BTG4: variants seen among roughly 807,000 people sequenced by gnomAD.
BTG4 encodes the protein protein BTG4.
Under a neutral mutation model 19.3 loss-of-function variants are expected in BTG4, and 10 were observed. The observed-to-expected ratio is 0.52, with a 90% CI of 0.32 to 0.88. The LOEUF (loss-of-function observed/expected upper bound fraction) is 0.88, where lower values mean the gene tolerates loss of function less well. Ranked by LOEUF, BTG4 falls within the 40% of genes least tolerant of loss-of-function variation. BTG4 has a pLI of 0.04. For missense variants in BTG4, 238 were observed against 281.9 expected, an observed-to-expected ratio of 0.84 and a Z score of 1.11; for synonymous variants, 91 against 95.7, an observed-to-expected ratio of 0.95 and a Z score of 0.29.
intron 5 of BTG4, among the ~76,000 whole-genome samples, chr11:111,485,384 A>C (rs1368825261): frequency 6.6e-6 from 1 of 152,228 alleles, no homozygotes; most frequent in Non-Finnish European, 1.5e-5. Context: ...AATTTTTTAA[A>C]AAATGAAATC....
the BTG4 span, chr11:111,450,522 C>T: frequency 2.0e-4 from 30 of 152,468 alleles, no homozygotes; most frequent in Admixed American, 2.0e-3. Context: ...TTGTCCTTAC[C>T]AGGGCGTGTG....
chr11:111,492,442 T>C (rs1865478134), downstream of BTG4, among the ~76,000 whole-genome samples: 1 of 152,232 alleles, frequency 6.6e-6, no homozygotes, highest in South Asian at 2.1e-4. Flanking sequence ...TTTACAGCGA[T>C]TAGTTCTCCA....
chr11:111,434,117 A>G, the BTG4 span, among the ~76,000 whole-genome samples: 126 of 152,358 alleles, frequency 8.3e-4, no homozygotes, highest in African/African-American at 2.7e-3. Context: ...TTATTGTGTC[A>G]CTATTCACAA....
the BTG4 span, chr11:111,449,694 A>T: frequency 6.6e-6 from 1 of 152,434 alleles, no homozygotes; most frequent in Non-Finnish European, 1.5e-5. Flanking sequence ...GTCCCCAAGA[A>T]GTTTGAGTCT....
intron 5 of BTG4, among the ~76,000 whole-genome samples, chr11:111,482,586 C>G (rs1864805411): frequency 6.6e-6 from 1 of 152,066 alleles, no homozygotes; most frequent in African/African-American, 2.4e-5. Context: ...GTGGTGTTGG[C>G]AGAAGAATAA....
chr11:111,478,090 C>A (rs73553280), intron 5 of BTG4, among the ~76,000 whole-genome samples: 4 of 152,102 alleles, frequency 2.6e-5, no homozygotes, highest in African/African-American at 9.7e-5. Context: ...GCAGTAATAA[C>A]CTCTCCCCTC....
the BTG4 span, chr11:111,459,523 C>T: frequency 3.3e-5 from 5 of 152,476 alleles, no homozygotes; most frequent in Admixed American, 1.3e-4. Flanking sequence ...GCAGGGAAGC[C>T]TCTCTGGTCA....
upstream of BTG4, chr11:111,514,002 G>A (rs1452790601): frequency 6.5e-6 from 1 of 153,106 alleles, no homozygotes; most frequent in African/African-American, 2.4e-5. Flanking sequence ...TGGTTAAGTT[G>A]TTCCTGCCAT....
the BTG4 span, among the ~76,000 whole-genome samples, chr11:111,401,476 C>T: frequency 0.063 from 8,500 of 135,742 alleles, 306 homozygotes; most frequent in Admixed American, 0.09. Flanking sequence ...AGCGAGACTC[C>T]GTCTCAAAAA....
At chr11:111,420,171 C>T in the BTG4 span, among the ~76,000 whole-genome samples, 2 of 152,336 alleles carry the variant, frequency 1.3e-5, no homozygotes, top group South Asian at 2.1e-4. Context: ...GAATCCAAGT[C>T]TCAAGGTGCA....
the BTG4 span, chr11:111,453,489 C>G: frequency 8.8e-6 from 4 of 456,512 alleles, no homozygotes; most frequent in Non-Finnish European, 1.3e-5. Context: ...AATGCAACCT[C>G]GATGCCTACA....
chr11:111,430,381 A>T, the BTG4 span, among the ~76,000 whole-genome samples: 1 of 152,170 alleles, frequency 6.6e-6, no homozygotes, highest in African/African-American at 2.4e-5. Context: ...CTGAATACAC[A>T]ATTTAGTTTG....
chr11:111,453,772 T>C, the BTG4 span, among the ~76,000 whole-genome samples: 1 of 152,194 alleles, frequency 6.6e-6, no homozygotes, highest in Non-Finnish European at 1.5e-5. Context: ...GCATAGGCAA[T>C]ATAGAGCAGG....
downstream of BTG4, among the ~76,000 whole-genome samples, chr11:111,491,091 A>G (rs904486620): frequency 1.3e-5 from 2 of 152,248 alleles, no homozygotes; most frequent in African/African-American, 4.8e-5. Flanking sequence ...GAATCTCCAA[A>G]GAACTATGCT....
At chr11:111,438,099 G>A in the BTG4 span, among the ~76,000 whole-genome samples, 2 of 152,204 alleles carry the variant, frequency 1.3e-5, no homozygotes, top group East Asian at 3.8e-4. Flanking sequence ...TGTAGATGCT[G>A]CTTAAAGGAA....
downstream of BTG4, among the ~76,000 whole-genome samples, chr11:111,466,360 A>T (rs549477763): frequency 6.6e-6 from 1 of 152,244 alleles, no homozygotes; most frequent in Non-Finnish European, 1.5e-5. Flanking sequence ...TAGGGAAGTA[A>T]GATTCTTAAA....
chr11:111,514,609 T>C (rs1867146027), upstream of BTG4: 1 of 607,004 alleles, frequency 1.6e-6, no homozygotes, highest in Admixed American at 2.9e-5. Context: ...TAAAACCTGA[T>C]CACCGCAGGG....
the BTG4 span, among the ~76,000 whole-genome samples, chr11:111,446,654 C>CAT: frequency 6.6e-6 from 1 of 151,682 alleles, no homozygotes; most frequent in African/African-American, 2.4e-5. Flanking sequence ...CACACACACA[C>CAT]ATCCTCCCCT....
chr11:111,474,094 G>A (rs1199491296), intron 5 of BTG4, among the ~76,000 whole-genome samples: 2 of 152,148 alleles, frequency 1.3e-5, no homozygotes, highest in Non-Finnish European at 2.9e-5. Context: ...ATCAAGATCA[G>A]AAACTAGCAA....
Sources: gnomAD v4.1 joint callset for allele counts (sites outside exome capture counted in the v4.1 genomes callset) on GRCh38, gnomAD v4.1.1 for gene constraint, MANE v1.5 for transcripts, NCBI Gene and HGNC (gene_info 2026-07-23, HGNC 2026-07-21) for gene names.